Variants in SMG6 observed in about 807,000 individuals in gnomAD.
SMG6 encodes telomerase-binding protein EST1A.
SMG6 carries 66 observed loss-of-function variants against 142.2 expected under a neutral mutation model. The observed-to-expected ratio is 0.46, with a 90% CI of 0.38 to 0.57. SMG6 has a LOEUF of 0.57. SMG6 is among the 20% of genes least tolerant of loss of function. SMG6 has a pLI of 0.00. For missense variants in SMG6, 1,793 were observed against 1,832.0 expected (o/e 0.98, Z 0.39); for synonymous variants, 779 against 702.4 (o/e 1.11, Z -1.72).
intron 8 of SMG6, among the ~76,000 whole-genome samples, chr17:2,263,554 A>G (rs893544699): frequency 6.6e-6 from 1 of 152,262 alleles, no homozygotes; most frequent in African/African-American, 2.4e-5. Flanking sequence ...GCTCTTAAAA[A>G]TAAAAATGTG....
chr17:2,154,297 G>A (rs1452449033), intron 13 of SMG6, among the ~76,000 whole-genome samples: 1 of 150,828 alleles, frequency 6.6e-6, no homozygotes, highest in African/African-American at 2.4e-5. Flanking sequence ...AGAGTGTGAC[G>A]GTGACTGGGA....
chr17:2,125,438 G>C (rs888259737), intron 13 of SMG6, among the ~76,000 whole-genome samples: 3 of 152,214 alleles, frequency 2.0e-5, no homozygotes, highest in Non-Finnish European at 2.9e-5. Flanking sequence ...CCAATAGGAT[G>C]ATGATTAGCT....
At chr17:2,240,488 A>C (rs1336149089) in intron 9 of SMG6, among the ~76,000 whole-genome samples, 1 of 152,208 alleles carries the variant, frequency 6.6e-6, no homozygotes. Flanking sequence ...ATGAGAAAAA[A>C]AAAAACAAAT....
intron 8 of SMG6, among the ~76,000 whole-genome samples, chr17:2,258,904 C>A (rs1012398218): frequency 1.3e-5 from 2 of 151,888 alleles, no homozygotes; most frequent in Non-Finnish European, 2.9e-5. Context: ...ATGGTGAAAC[C>A]CCATTTCTAC....
At chr17:2,125,892 G>T (rs575272269) in intron 13 of SMG6, among the ~76,000 whole-genome samples, 1 of 146,588 alleles carries the variant, frequency 6.8e-6, no homozygotes, top group East Asian at 2.0e-4. Context: ...GGCAGAGGTT[G>T]CAGTGAGCTG....
At chr17:2,188,353 C>T (rs143526588) in intron 11 of SMG6, 46 bp downstream of exon 11, 36,168 of 1,538,910 alleles carry the variant, frequency 0.024, 637 homozygotes, top group Middle Eastern at 0.056. Context: ...CTGGACAAGG[C>T]CAGGCAACTG....
At chr17:2,187,838 T>A (rs1402451428) in intron 11 of SMG6, among the ~76,000 whole-genome samples, 1 of 151,946 alleles carries the variant, frequency 6.6e-6, no homozygotes, top group Non-Finnish European at 1.5e-5. Context: ...CTAATATTGA[T>A]CTAGGAGCTG....
At chr17:2,286,923 A>ATTTTT (rs59503723) in intron 6 of SMG6, among the ~76,000 whole-genome samples, 7 of 111,442 alleles carry the variant, frequency 6.3e-5, no homozygotes, top group Non-Finnish European at 8.9e-5. Flanking sequence ...ACATAAAATA[A>ATTTTT]TTTTTTTTTT....
chr17:2,105,933 C>A (rs992898190), intron 13 of SMG6, among the ~76,000 whole-genome samples: 2 of 152,176 alleles, frequency 1.3e-5, no homozygotes, highest in African/African-American at 2.4e-5. Flanking sequence ...AGAGTAAAGT[C>A]CATCATGAAG....
intron 4 of SMG6, among the ~76,000 whole-genome samples, chr17:2,293,194 T>C (rs1395814380): frequency 2.0e-5 from 3 of 152,118 alleles, no homozygotes; most frequent in African/African-American, 7.2e-5. Context: ...CAGTCAGCAG[T>C]GTGATACAAA....
At chr17:2,186,386 G>C (rs1341789426) in intron 12 of SMG6, among the ~76,000 whole-genome samples, 8 of 152,116 alleles carry the variant, frequency 5.3e-5, no homozygotes, top group Non-Finnish European at 7.3e-5. Context: ...ACAATATGGA[G>C]TGAGGATGAG....
At chr17:2,103,393 A>G (rs1162371623) in intron 13 of SMG6, among the ~76,000 whole-genome samples, 1 of 152,202 alleles carries the variant, frequency 6.6e-6, no homozygotes, top group African/African-American at 2.4e-5. Context: ...TTACTCTCAT[A>G]TGATAAGCCA....
intron 12 of SMG6, among the ~76,000 whole-genome samples, chr17:2,186,362 G>A (rs2071984064): frequency 6.6e-6 from 1 of 152,044 alleles, no homozygotes; most frequent in Admixed American, 6.6e-5. Context: ...CAGCTGCAGA[G>A]ATGGTGAGTA....
chr17:2,279,435 A>G (rs1024302193), intron 8 of SMG6, among the ~76,000 whole-genome samples: 1 of 152,234 alleles, frequency 6.6e-6, no homozygotes, highest in Non-Finnish European at 1.5e-5. Context: ...AGAAATAACT[A>G]AACACTTTCA....
chr17:2,213,188 G>A (rs1200318319), intron 10 of SMG6, among the ~76,000 whole-genome samples: 2 of 152,216 alleles, frequency 1.3e-5, no homozygotes, highest in African/African-American at 2.4e-5. Flanking sequence ...TACCTCAGAA[G>A]AATCTTTTCA....
At chr17:2,186,513 G>A in intron 12 of SMG6, 150 bp downstream of exon 12, 1 of 782,142 alleles carries the variant, frequency 1.3e-6, no homozygotes, top group Admixed American at 2.8e-5. Context: ...AGAGGATAGG[G>A]AAGGTATTCA....
rs1454620192 is a variant in SMG6 at position 2,068,717 on chromosome 17, C to T, written c.3835+61G>A. 6.4e-6 allele frequency: 10 copies of T among 1,555,072 alleles called. No individual in the cohort carries two copies. Among genetic ancestry groups the T allele is most frequent in the African/African-American group, 2.7e-5 (2 of 74,064 alleles). On this transcript the variant is annotated intron_variant, in intron 16 of 18. Transcript: ENST00000263073. The surrounding 1 kb of genome is among the most constrained non-coding windows in gnomAD (Gnocchi z 6.7). The stretch of plus-strand genomic sequence containing the variant: ...CCTGCCTGGCCCCCAGGCCGTGGGG[C>T]GTGTGTGGAGGGGGCTGCTGTGCAC...
chr17:2,149,788 G>T (rs1467176725), intron 13 of SMG6, among the ~76,000 whole-genome samples: 4 of 152,182 alleles, frequency 2.6e-5, no homozygotes, highest in Admixed American at 2.6e-4. Flanking sequence ...GTCCTAAGAG[G>T]CTAAAACTTG....
In SMG6 at chr17:2,167,757, C is replaced by T. The variant is rs79955164; in HGVS notation, c.3357+4901G>A. 7.9e-5 allele frequency among the ~76,000 whole-genome samples: 12 copies of T among 152,320 alleles called. No homozygotes were observed. In the East Asian group the frequency reaches 9.6e-4, roughly 12 times the overall value. On this transcript the variant is annotated intron_variant, in intron 13 of 18. Transcript: ENST00000263073. ...GCAGGACCAAACATGAGACTAATCT[C>T]GACCAGCAATAAAGCTGCTCACGTT...
Sources: gnomAD v4.1 joint callset for allele counts (sites outside exome capture counted in the v4.1 genomes callset) on GRCh38, gnomAD v4.1.1 for gene constraint, Gnocchi (gnomAD v3.1) non-coding constraint, MANE v1.5 for transcripts, NCBI Gene and HGNC (gene_info 2026-07-23, HGNC 2026-07-21) for gene names.